SRGAP2C: variants seen among roughly 807,000 people sequenced by gnomAD.
The protein encoded by SRGAP2C is SLIT-ROBO Rho GTPase-activating protein 2C.
Under a neutral mutation model 25.1 loss-of-function variants are expected in SRGAP2C, and 15 were observed. That is an observed-to-expected ratio of 0.60 (90% CI 0.40 to 0.92). The LOEUF is 0.92. Ranked by LOEUF, SRGAP2C falls within the 40% of genes least tolerant of loss-of-function variation. SRGAP2C has a pLI of 0.00. For synonymous variants in SRGAP2C, 44 were observed against 96.6 expected, an observed-to-expected ratio of 0.46 and a Z score of 3.19; for missense variants, 144 against 264.4, an observed-to-expected ratio of 0.54 and a Z score of 3.16.
chr1:121,304,154 T>C (rs1316618643), intron 3 of SRGAP2C, among the ~76,000 whole-genome samples: 2 of 141,200 alleles, frequency 1.4e-5, no homozygotes, highest in East Asian at 4.2e-4. Context: ...GAGCTTGCAG[T>C]GAGCCGAGAT....
chr1:121,340,006 GC>G (rs1658614975), intron 4 of SRGAP2C, among the ~76,000 whole-genome samples: 1 of 121,404 alleles, frequency 8.2e-6, no homozygotes, highest in Non-Finnish European at 1.7e-5. Context: ...ATGCAGAAGA[GC>G]GTGTGTCTTG....
At chr1:121,383,349 G>A (rs1440520278) in intron 8 of SRGAP2C, among the ~76,000 whole-genome samples, 2 of 151,584 alleles carry the variant, frequency 1.3e-5, no homozygotes, top group Admixed American at 6.6e-5. Context: ...AATGAGAGCT[G>A]AGGTGGGGCC....
Position 121,258,569 on chromosome 1 carries a change from G to T in SRGAP2C, c.68-26234G>T, listed in dbSNP as rs1336042409. ...CAACCTCTGCCTCCTGGGTTCAAGA[G>T]ATTCTCCTGCATCAGCCTCCTGAGT... is the stretch of plus-strand genomic sequence containing the variant. On this transcript the variant is annotated intron_variant, in intron 2 of 9. Transcript: ENST00000367123. Among the ~76,000 whole-genome samples, 11 of 151,316 alleles carry T rather than the reference G, an allele frequency of 7.3e-5. 2 individuals are homozygous for T. Among genetic ancestry groups the T allele is most frequent in the Non-Finnish European group, 1.6e-4 (11 of 67,756 alleles).
At chr1:121,340,164 A>G (rs1658618345) in intron 4 of SRGAP2C, among the ~76,000 whole-genome samples, 1 of 151,848 alleles carries the variant, frequency 6.6e-6, no homozygotes, top group Non-Finnish European at 1.5e-5. Flanking sequence ...CAAAGCCAAG[A>G]TAATCCAAGC....
chr1:121,322,742 A>G (rs1200304630), intron 3 of SRGAP2C, among the ~76,000 whole-genome samples: 2 of 149,542 alleles, frequency 1.3e-5, no homozygotes, highest in African/African-American at 2.5e-5. Flanking sequence ...CCAAGTAAGT[A>G]TGGCATGATT....
chr1:121,250,590 T>G (rs1387030904), intron 2 of SRGAP2C, among the ~76,000 whole-genome samples: 7 of 108,360 alleles, frequency 6.5e-5, no homozygotes, highest in Non-Finnish European at 1.1e-4. Context: ...TCTTCAGAAG[T>G]AGAATGAATA....
intron 5 of SRGAP2C, among the ~76,000 whole-genome samples, chr1:121,366,862 G>A (rs1226515805): frequency 1.3e-5 from 2 of 148,756 alleles, no homozygotes; most frequent in African/African-American, 5.0e-5. Flanking sequence ...TGGGACTCAA[G>A]GCAGCAGAAG....
chr1:121,268,320 G>T (rs1465044712), intron 2 of SRGAP2C, among the ~76,000 whole-genome samples: 1 of 150,566 alleles, frequency 6.6e-6, no homozygotes. Flanking sequence ...AAGGCCCTGA[G>T]GTGGGTGTTT....
rs1488928059 is a variant in SRGAP2C at position 121,314,875 on chromosome 1, G to A, written c.261-9603G>A. On this transcript the variant is annotated intron_variant, in intron 3 of 9. Coordinates refer to ENST00000367123, the MANE Select transcript of SRGAP2C (RefSeq NM_001329984.2). The stretch of plus-strand genomic sequence containing the variant: ...ATCACCCGTCTTCTGTGTCGCTCAC[G>A]CTGGGAGCTGTAGACCGGAGCTGTT... 2.3e-4 allele frequency: 131 copies of A among 576,742 alleles called. 3 individuals are homozygous for A. The highest frequency in any genetic ancestry group is 3.5e-4 in the Non-Finnish European group (112 of 318,694). The allele number at this position is 576,742 out of a possible 1,614,324, so 35.7% of individuals were successfully genotyped here.
chr1:121,392,563 C>A lies in SRGAP2C; in HGVS notation c.*4708C>A, dbSNP rs1357725142. On this transcript the variant is annotated 3_prime_UTR_variant, in exon 10 of 10. Transcript: ENST00000367123. ...CTTTCATACCATTCTTAATTTGGTC[C>A]TGTAATTCTTCATTGCTGTATTAAT... 1.4e-5 allele frequency: 2 copies of A among 144,154 alleles called. No individual in the cohort carries two copies. Among genetic ancestry groups the A allele is most frequent in the African/African-American group, 5.2e-5 (2 of 38,678 alleles). 8.9% of individuals were successfully genotyped at this position (144,154 alleles called of 1,614,324 possible).
chr1:121,262,820 T>C (rs587595926), intron 2 of SRGAP2C, among the ~76,000 whole-genome samples: 1 of 151,358 alleles, frequency 6.6e-6, no homozygotes, highest in Non-Finnish European at 1.5e-5. Context: ...GGTTTTTTTT[T>C]CTAAAATTTG....
chr1:121,350,489 G>T (rs1396964756), intron 4 of SRGAP2C, among the ~76,000 whole-genome samples: 3 of 151,710 alleles, frequency 2.0e-5, no homozygotes, highest in Non-Finnish European at 4.4e-5. Flanking sequence ...ACACACAGGA[G>T]ATCCTAGTAA....
chr1:121,212,288 G>C (rs1396085143), intron 2 of SRGAP2C, among the ~76,000 whole-genome samples: 1 of 145,128 alleles, frequency 6.9e-6, no homozygotes. Flanking sequence ...CCGCCACCAC[G>C]CTCGGCTAAT....
At chr1:121,354,303 TTTCTTTCTTTCTTTCTTTCTTTC>T (rs1658999495) in intron 4 of SRGAP2C, among the ~76,000 whole-genome samples, 1 of 69,410 alleles carries the variant, frequency 1.4e-5, no homozygotes, top group Admixed American at 1.5e-4. Flanking sequence ...TCTTTCTTTC[TTTCTTTCTTTCTTTCTTTCTTTC>T]TTTTCTTTCT....
At chr1:121,204,278 A>C (rs2101402023) in intron 2 of SRGAP2C, among the ~76,000 whole-genome samples, 1 of 151,928 alleles carries the variant, frequency 6.6e-6, no homozygotes, top group Non-Finnish European at 1.5e-5. Context: ...TGGACTGATC[A>C]TTTAAGTTGT....
intron 2 of SRGAP2C, among the ~76,000 whole-genome samples, chr1:121,202,543 C>T (rs1655011135): frequency 6.8e-6 from 1 of 147,848 alleles, no homozygotes; most frequent in African/African-American, 2.5e-5. Flanking sequence ...ATTCTCCTGC[C>T]TCAGCCTCCT....
chr1:121,323,615 CAAAAAAAAA>C (rs1163708332), intron 3 of SRGAP2C, among the ~76,000 whole-genome samples: 1 of 28,156 alleles, frequency 3.6e-5, no homozygotes, highest in African/African-American at 1.7e-4. Flanking sequence ...GACTTTGTCT[CAAAAAAAAA>C]AAAAAAAAAA....
chr1:121,329,529 G>A (rs1213735450), intron 4 of SRGAP2C, among the ~76,000 whole-genome samples: 2 of 142,024 alleles, frequency 1.4e-5, no homozygotes, highest in Non-Finnish European at 1.5e-5. Flanking sequence ...AAATAGGGCA[G>A]CATGTTTACA....
At chr1:121,226,265 C>T (rs1363919558) in intron 2 of SRGAP2C, among the ~76,000 whole-genome samples, 36 of 120,414 alleles carry the variant, frequency 3.0e-4, no homozygotes, top group Admixed American at 2.0e-3. Context: ...TTTTTTTTTT[C>T]CTTAAGATTG....
Sources: gnomAD v4.1 joint callset for allele counts (sites outside exome capture counted in the v4.1 genomes callset) on GRCh38, gnomAD v4.1.1 for gene constraint, MANE v1.5 for transcripts, NCBI Gene and HGNC (gene_info 2026-07-23, HGNC 2026-07-21) for gene names.